REV3L: variants seen among roughly 807,000 people sequenced by gnomAD.
The protein encoded by REV3L is REV3 like, DNA directed polymerase zeta catalytic subunit, also known as DNA polymerase zeta catalytic subunit.
In REV3L, 69 loss-of-function variants were observed where a neutral mutation model predicts 299.4. The ratio of observed to expected loss-of-function variants is 0.23; its 90% CI spans 0.19 to 0.28. The LOEUF (loss-of-function observed/expected upper bound fraction) is 0.28. REV3L is among the 10% of genes least tolerant of loss of function. The probability of loss-of-function intolerance (pLI) is 1.00; values close to 1 mark genes in which losing one functional copy is unlikely to be tolerated. For synonymous variants in REV3L, 1,238 were observed against 1,271.4 expected, an observed-to-expected ratio of 0.97 and a Z score of 0.56; for missense variants, 3,128 against 3,693.8, an observed-to-expected ratio of 0.85 and a Z score of 3.97.
At chr6:111,468,643 T>A (rs1236283977) in intron 1 of REV3L, among the ~76,000 whole-genome samples, 1 of 152,196 alleles carries the variant, frequency 6.6e-6, no homozygotes, top group Non-Finnish European at 1.5e-5. Flanking sequence ...GATGAAGACA[T>A]GGAAAAAGTC....
chr6:111,420,319 A>C (rs1160723493), intron 1 of REV3L, among the ~76,000 whole-genome samples: 1 of 152,218 alleles, frequency 6.6e-6, no homozygotes, highest in Non-Finnish European at 1.5e-5. Context: ...TGAAATGATT[A>C]AGTCGAGCTA....
chr6:111,389,131 A>C lies in REV3L; in HGVS notation c.837T>G (p.Ser279=), dbSNP rs867480737. ...KQRRRNRNET[S]QMSQPESQDH... ...CTTGTGACTCAGGTTGGCTCATTTGAGAAGTTTCATTTCTGTTTCTTCGCC... is the reference window on the plus strand; with the variant it reads ...CTTGTGACTCAGGTTGGCTCATTTGCGAAGTTTCATTTCTGTTTCTTCGCC... The change falls in exon 7 of 32, where the codon TCT becomes TCG. Residue 279 remains serine, a synonymous_variant. Transcript: ENST00000368802. 5 of 1,613,948 alleles carry C rather than the reference A, an allele frequency of 3.1e-6. No homozygotes were observed. In the South Asian group the frequency reaches 5.5e-5, roughly 18 times the overall value.
At chr6:111,393,611 T>C (rs959775148) in intron 4 of REV3L, among the ~76,000 whole-genome samples, 2 of 152,222 alleles carry the variant, frequency 1.3e-5, no homozygotes, top group African/African-American at 2.4e-5. Context: ...TCTAATTGTA[T>C]GTCTATATCC....
At chr6:111,359,144 C>T (rs1279462897) in intron 16 of REV3L, 130 bp from the exon 17 acceptor site, 7 of 593,788 alleles carry the variant, frequency 1.2e-5, no homozygotes, top group Non-Finnish European at 1.9e-5. Context: ...AAAGTCACAG[C>T]TCAGCAGCAC....
intron 1 of REV3L, among the ~76,000 whole-genome samples, chr6:111,424,716 T>G (rs1397793051): frequency 6.6e-6 from 1 of 152,200 alleles, no homozygotes; most frequent in Non-Finnish European, 1.5e-5. Context: ...TCTGGCAGCT[T>G]GCTGAACAAC....
At chr6:111,347,059 C>A (rs1777102837) in intron 20 of REV3L, among the ~76,000 whole-genome samples, 2 of 152,046 alleles carry the variant, frequency 1.3e-5, no homozygotes, top group African/African-American at 4.8e-5. Flanking sequence ...CACTTGAGGT[C>A]AGGAGTTTGT....
chr6:111,476,343 GA>G, intron 1 of REV3L, among the ~76,000 whole-genome samples: 1 of 152,200 alleles, frequency 6.6e-6, no homozygotes, highest in Non-Finnish European at 1.5e-5. Context: ...TTTTTGTAGA[GA>G]TAGCGTCTTT....
At chr6:111,418,412 T>A (rs1003132982) in intron 1 of REV3L, among the ~76,000 whole-genome samples, 11 of 152,210 alleles carry the variant, frequency 7.2e-5, no homozygotes, top group African/African-American at 2.4e-5. Flanking sequence ...TAATTTTATA[T>A]CCACTTTTCA....
At chr6:111,330,430 A>C (rs1481721043) in intron 24 of REV3L, 7 of 373,386 alleles carry the variant, frequency 1.9e-5, no homozygotes, top group African/African-American at 4.2e-5. Flanking sequence ...GAAAACCACA[A>C]AACAGTATTA....
At chr6:111,315,213 C>A in intron 27 of REV3L, 54 bp downstream of exon 27, 1 of 1,351,024 alleles carries the variant, frequency 7.4e-7, no homozygotes. Flanking sequence ...AATCAGAGGT[C>A]TCTAGAAGGT....
chr6:111,379,953 TAA>T (rs753587439), intron 11 of REV3L, 27 bp downstream of exon 11: 6 of 1,335,512 alleles, frequency 4.5e-6, no homozygotes, highest in Non-Finnish European at 6.4e-6. Context: ...TAAAAGTTAA[TAA>T]AACAACTGCA....
chr6:111,373,662 G>T lies in REV3L; in HGVS notation c.4693C>A (p.Leu1565Ile). The change falls in exon 13 of 32, where the codon CTT (leucine) becomes ATT (isoleucine). Residue 1565 changes from leucine (L) to isoleucine (I), a missense_variant. Physicochemically the swap from Leu to Ile is conservative, Grantham distance 5. Coordinates refer to ENST00000368802, the MANE Select transcript of REV3L (RefSeq NM_001372078.1). ...CGTTTATTTGCTTTGTTATGCTCAA[G>T]GGAACCAGAAATATTTTTATTTGGT... is the stretch of plus-strand genomic sequence containing the variant. ...HQPNKNISGSLEHNKANKRTR... is the reference protein window; with the variant it reads ...HQPNKNISGSIEHNKANKRTR... The T allele has an allele frequency of 3.7e-6, 6 of 1,614,056 alleles. No individual in the cohort carries two copies. Among genetic ancestry groups the T allele is most frequent in the Non-Finnish European group, 5.1e-6 (6 of 1,179,984 alleles).
At chr6:111,309,210 A>G (rs950840513) in intron 30 of REV3L, 1 of 152,300 alleles carries the variant, frequency 6.6e-6, no homozygotes, top group Non-Finnish European at 1.5e-5. Context: ...GGCTTTCTGT[A>G]TTCCGGGTTC....
intron 31 of REV3L, among the ~76,000 whole-genome samples, chr6:111,304,939 G>GTTCTTTTTTTTTTTTTTTTTTTTTTTTTT: frequency 6.9e-6 from 1 of 145,846 alleles, no homozygotes; most frequent in Non-Finnish European, 1.5e-5. Context: ...TTTGTTCTTT[G>GTTCTTTTTTTTTTTTTTTTTTTTTTTTTT]TTCTTTTTTT....
At position 111,375,229 on chromosome 6, in the gene REV3L, T is replaced by C. The variant is rs56394084; in HGVS notation, c.3126A>G (p.Pro1042=). ...ATKYPIYPLT[P]KKSHRRKSKH... is the part of the protein sequence containing the mutation. ...TTGACTTTCTTCTGTGACTTTTCTT[T>C]GGTGTTAGTGGATAAATGGGATATT... is the stretch of plus-strand genomic sequence containing the variant. The change falls in exon 13 of 32, where the codon CCA becomes CCG. Residue 1042 remains proline (P), a synonymous_variant. Transcript: ENST00000368802. 2.3e-4 allele frequency: 378 copies of C among 1,612,484 alleles called. 5 individuals carry two copies. The East Asian group carries it at 8.3e-3, about 35-fold the overall frequency.
At chr6:111,310,993 T>C in intron 29 of REV3L, 76 bp downstream of exon 29, 1 of 1,174,790 alleles carries the variant, frequency 8.5e-7, no homozygotes, top group Non-Finnish European at 1.2e-6. Context: ...GTCTATGGAC[T>C]GTCTTTTCAT....
intron 26 of REV3L, among the ~76,000 whole-genome samples, chr6:111,316,202 C>T (rs1481555519): frequency 2.1e-5 from 3 of 145,164 alleles, no homozygotes; most frequent in Non-Finnish European, 3.0e-5. Context: ...TATACTACTG[C>T]ACTGCAGCTT....
At chr6:111,331,827 T>C in intron 23 of REV3L, 43 bp from the exon 24 acceptor site, 4 of 1,242,760 alleles carry the variant, frequency 3.2e-6, no homozygotes, top group African/African-American at 1.5e-5. Context: ...CCTCAAATCA[T>C]AGAACAGAGA....
chr6:111,430,249 G>C (rs1356157348), intron 1 of REV3L: 5 of 907,994 alleles, frequency 5.5e-6, no homozygotes, highest in Admixed American at 1.7e-5. Context: ...AAGAAGCTTT[G>C]AATCAACTGG....
Sources: allele counts gnomAD v4.1 joint callset (sites outside exome capture counted in the v4.1 genomes callset), GRCh38; gene constraint gnomAD v4.1.1; transcripts MANE v1.5; gene names NCBI Gene and HGNC (gene_info 2026-07-23, HGNC 2026-07-21).